Variants in RASAL2 observed in about 807,000 individuals in gnomAD.
RASAL2 encodes the protein RAS protein activator like 2, also known as ras GTPase-activating protein nGAP.
Under a neutral mutation model 128.9 loss-of-function variants are expected in RASAL2, and 58 were observed. The ratio of observed to expected loss-of-function variants is 0.45; its 90% confidence interval spans 0.36 to 0.56. The LOEUF (loss-of-function observed/expected upper bound fraction) is 0.56. Ranked by LOEUF, RASAL2 falls within the 20% of genes least tolerant of loss-of-function variation. The pLI, the probability that RASAL2 is intolerant of heterozygous loss-of-function variation, is 0.00. For missense variants in RASAL2, 1,360 were observed against 1,601.6 expected (o/e 0.85, Z 2.57); for synonymous variants, 561 against 580.8 (o/e 0.97, Z 0.49).
At chr1:178,460,016 C>T (rs1467916636) in intron 14 of RASAL2, among the ~76,000 whole-genome samples, 3 of 152,188 alleles carry the variant, frequency 2.0e-5, no homozygotes, top group Admixed American at 6.5e-5. Context: ...GTAGTTTCCT[C>T]ACATCACTTT....
At chr1:178,328,609 T>A (rs1669148148) in intron 3 of RASAL2, among the ~76,000 whole-genome samples, 1 of 152,198 alleles carries the variant, frequency 6.6e-6, no homozygotes, top group Admixed American at 6.5e-5. Context: ...ATAAGTGATG[T>A]AACTAGGTAG....
At chr1:178,255,837 A>G (rs577900152) in intron 1 of RASAL2, among the ~76,000 whole-genome samples, 71 of 152,346 alleles carry the variant, frequency 4.7e-4, no homozygotes, top group African/African-American at 1.7e-3. Flanking sequence ...ATATAAATTC[A>G]GTTATGTCAA....
At chr1:178,108,724 T>C (rs1659189922) in intron 1 of RASAL2, among the ~76,000 whole-genome samples, 1 of 152,224 alleles carries the variant, frequency 6.6e-6, no homozygotes, top group South Asian at 2.1e-4. Context: ...TGTTAATTTG[T>C]ATCCCAATCC....
At position 178,409,610 on chromosome 1, in the gene RASAL2, T is replaced by C. The variant is rs143038501; in HGVS notation, c.565-10901T>C. On this transcript the variant is annotated intron_variant, in intron 4 of 17. Coordinates refer to ENST00000367649, the MANE Select transcript of RASAL2 (RefSeq NM_170692.4). ...GGGATCAGCTGGAATGGTAAGTCGT[T>C]ACCAGATGATACTATATCTTATAGG... 3.3e-5 allele frequency among the ~76,000 whole-genome samples: 5 copies of C among 152,264 alleles called. No homozygotes were observed. In the East Asian group the frequency reaches 5.8e-4, roughly 18 times the overall value.
chr1:178,324,099 A>G (rs998481180), intron 3 of RASAL2, among the ~76,000 whole-genome samples: 2 of 152,178 alleles, frequency 1.3e-5, no homozygotes, highest in African/African-American at 4.8e-5. Context: ...TCCTTGTTGG[A>G]TGAGATTTTT....
intron 17 of RASAL2, among the ~76,000 whole-genome samples, chr1:178,469,721 T>A (rs1161208384): frequency 6.6e-6 from 1 of 152,212 alleles, no homozygotes; most frequent in African/African-American, 2.4e-5. Context: ...GCACCTTTCA[T>A]AAATGAATAT....
chr1:178,222,754 G>A (rs901959824), intron 1 of RASAL2, among the ~76,000 whole-genome samples: 1 of 152,030 alleles, frequency 6.6e-6, no homozygotes, highest in Non-Finnish European at 1.5e-5. Context: ...TGATGCTAAT[G>A]TTAAAAATAA....
At chr1:178,259,122 CTTTTTTTTTTTT>C (rs59978357) in intron 1 of RASAL2, among the ~76,000 whole-genome samples, 10 of 70,548 alleles carry the variant, frequency 1.4e-4, no homozygotes, top group East Asian at 1.0e-3. Flanking sequence ...AATGAAACTT[CTTTTTTTTTTTT>C]TTTTTTTTTT....
In RASAL2 at chr1:178,094,686, G is replaced by A. The variant is rs1402623988; in HGVS notation, c.194G>A (p.Arg65Gln). ...ESVCQQQSWV[R>Q]VYDVKGPPTH... is the part of the protein sequence containing the mutation. ...GTGTGCCAGCAACAGAGCTGGGTCCGGGTGTACGGTAAGGACCACAGGCCG... is the reference window on the plus strand; with the variant it reads ...GTGTGCCAGCAACAGAGCTGGGTCCAGGTGTACGGTAAGGACCACAGGCCG... The change falls in exon 1 of 18, where the codon CGG (arginine) becomes CAG (glutamine). Residue 65 changes from arginine to glutamine, a missense_variant. Transcript: ENST00000367649. 6.2e-7 allele frequency: 1 copy of A among 1,614,064 alleles called. No homozygotes were observed. The highest frequency in any genetic ancestry group is 8.5e-7 in the Non-Finnish European group (1 of 1,180,034).
At chr1:178,458,609 C>T (rs1459148607) in intron 14 of RASAL2, 65 bp downstream of exon 14, 50 of 1,489,346 alleles carry the variant, frequency 3.4e-5, no homozygotes, top group Non-Finnish European at 4.2e-5. Flanking sequence ...GTTCTTTATA[C>T]ATAAATCATT....
chr1:178,224,033 A>ACTG (rs1663705792), intron 1 of RASAL2, among the ~76,000 whole-genome samples: 1 of 152,268 alleles, frequency 6.6e-6, no homozygotes, highest in South Asian at 2.1e-4. Context: ...TGCTCAAAGA[A>ACTG]GACAAAGTAT....
chr1:178,457,691 A>G lies in RASAL2; in HGVS notation c.2399A>G (p.His800Arg). 3.7e-6 allele frequency: 6 copies of G among 1,612,964 alleles called. No individual in the cohort carries two copies. The highest frequency in any genetic ancestry group is 3.3e-5 in the South Asian group (3 of 90,944). Reference protein sequence around the residue: ...IFEDPTDSDLHKLKSPSQDNT... With the variant: ...IFEDPTDSDLRKLKSPSQDNT... ...CCTTTCCTTTTCCACAGTGATTTGC[A>G]TAAACTAAAATCTCCAAGCCAGGAC... The change falls in exon 14 of 18, where the codon CAT becomes CGT. Residue 800 changes from histidine to arginine, a missense_variant. By Grantham distance (29) the His-to-Arg change is conservative. Coordinates refer to ENST00000367649, the MANE Select transcript of RASAL2 (RefSeq NM_170692.4).
At chr1:178,119,276 G>C (rs1310719242) in intron 1 of RASAL2, among the ~76,000 whole-genome samples, 1 of 152,124 alleles carries the variant, frequency 6.6e-6, no homozygotes, top group Non-Finnish European at 1.5e-5. Flanking sequence ...AAAAACTCTG[G>C]CCAGGGATCT....
At chr1:178,389,530 G>C (rs1055028510) in intron 3 of RASAL2, among the ~76,000 whole-genome samples, 5 of 152,124 alleles carry the variant, frequency 3.3e-5, no homozygotes, top group African/African-American at 1.2e-4. Flanking sequence ...AGGTCATATT[G>C]CCAGAACAAG....
intron 11 of RASAL2, among the ~76,000 whole-genome samples, chr1:178,453,593 A>G (rs1430593232): frequency 6.6e-6 from 1 of 152,092 alleles, no homozygotes; most frequent in Non-Finnish European, 1.5e-5. Context: ...TAAACAGCAG[A>G]TATATTTGGG....
In RASAL2 at chr1:178,266,910, A is replaced by G. The variant is rs747271363; in HGVS notation, c.203-16654A>G. Among the ~76,000 whole-genome samples the G allele has an allele frequency of 3.3e-5, 5 of 152,282 alleles. No individual in the cohort carries two copies. In the South Asian group the frequency reaches 1.0e-3, roughly 32 times the overall value. On this transcript the variant is annotated intron_variant, in intron 1 of 17. Coordinates refer to ENST00000367649, the MANE Select transcript of RASAL2 (RefSeq NM_170692.4). The stretch of plus-strand genomic sequence containing the variant: ...ATGTTGCCAGGCACATGTGGGGGCA[A>G]AGGCAAGAGAACAAGGGTAGGAATC...
At chr1:178,278,795 GA>G (rs771479608) in intron 1 of RASAL2, among the ~76,000 whole-genome samples, 1 of 152,084 alleles carries the variant, frequency 6.6e-6, no homozygotes, top group Non-Finnish European at 1.5e-5. Context: ...TATCCTCTAA[GA>G]AAAAAGTTGG....
At chr1:178,373,178 C>T (rs764689820) in intron 3 of RASAL2, among the ~76,000 whole-genome samples, 1 of 150,916 alleles carries the variant, frequency 6.6e-6, no homozygotes, top group African/African-American at 2.4e-5. Context: ...TCTGCCAGTC[C>T]AAAAGTTATC....
At chr1:178,463,042 T>C (rs1380805617) in intron 14 of RASAL2, among the ~76,000 whole-genome samples, 1 of 152,156 alleles carries the variant, frequency 6.6e-6, no homozygotes, top group Non-Finnish European at 1.5e-5. Flanking sequence ...CTCCAGTTCA[T>C]CAAAATACCC....
Sources: allele counts gnomAD v4.1 joint callset (sites outside exome capture counted in the v4.1 genomes callset), GRCh38; gene constraint gnomAD v4.1.1; transcripts MANE v1.5; gene names NCBI Gene and HGNC (gene_info 2026-07-23, HGNC 2026-07-21).